SLC47A1: variants seen among roughly 807,000 people sequenced by gnomAD.
SLC47A1 encodes the protein multidrug and toxin extrusion protein 1.
A neutral mutation model predicts 65.8 loss-of-function variants in SLC47A1; 58 were observed. The observed-to-expected ratio is 0.88, with a 90% CI of 0.71 to 1.10. SLC47A1 has a LOEUF of 1.10. Ranked by LOEUF, SLC47A1 falls within the 50% of genes least tolerant of loss-of-function variation. The probability of loss-of-function intolerance (pLI) is 0.00; values close to 1 mark genes in which losing one functional copy is unlikely to be tolerated. For synonymous variants in SLC47A1, 285 were observed against 295.0 expected, an observed-to-expected ratio of 0.97 and a Z score of 0.35; for missense variants, 706 against 719.2, an observed-to-expected ratio of 0.98 and a Z score of 0.21.
chr17:19,533,994 G>T lies in SLC47A1; in HGVS notation c.55G>T (p.Glu19Ter). 1 of 1,544,648 alleles carries T rather than the reference G, an allele frequency of 6.5e-7. No homozygotes were observed. Reference protein sequence around the residue: ...PVRGGPEATLEVRGSRCLRLS... With the variant: ...PVRGGPEATL ...GCGCGGAGGCCCGGAGGCCACCCTT[G>T]AGGTCCGTGGGTCGCGCTGCTTGCG... The change falls in exon 1 of 17, where the codon GAG becomes TAG. Residue 19 changes from glutamate to a stop codon, truncating the protein, a stop_gained. Coordinates refer to ENST00000270570, the MANE Select transcript of SLC47A1 (RefSeq NM_018242.3). LOFTEE classifies it high-confidence loss of function.
intron 1 of SLC47A1, among the ~76,000 whole-genome samples, chr17:19,540,459 C>A (rs921039142): frequency 6.6e-6 from 1 of 152,110 alleles, no homozygotes; most frequent in South Asian, 2.1e-4. Context: ...ATAAAAGGGA[C>A]CCTGTGGCCT....
In SLC47A1 at chr17:19,578,784, C is replaced by T. The variant is rs2084459294; in HGVS notation, c.*1231C>T. On this transcript the variant is annotated 3_prime_UTR_variant, in exon 17 of 17. Transcript: ENST00000270570. Reference sequence around the variant, plus strand: ...GCTGTAAGCTGGGACCAGCTTTGTCCATAACTGCTGAGAGAACTTGCTGAA... The same window carrying T: ...GCTGTAAGCTGGGACCAGCTTTGTCTATAACTGCTGAGAGAACTTGCTGAA... 6.6e-6 allele frequency: 1 copy of T among 152,236 alleles called. No individual in the cohort carries two copies. The highest frequency in any genetic ancestry group is 1.5e-5 in the Non-Finnish European group (1 of 68,062). 9.4% of individuals were successfully genotyped at this position (152,236 alleles called of 1,614,324 possible). A position where few individuals can be genotyped will look rare whatever the true frequency, so the allele number is the denominator to read the frequency against.
chr17:19,573,181 G>A (rs2084413837), intron 16 of SLC47A1, among the ~76,000 whole-genome samples: 1 of 152,126 alleles, frequency 6.6e-6, no homozygotes, highest in African/African-American at 2.4e-5. Context: ...TGTTTTAATG[G>A]GGTCCCTGCT....
rs115101879 is a variant in SLC47A1, at chr17:19,540,006, G to A, written c.136-2387G>A. On this transcript the variant is annotated intron_variant, in intron 1 of 16. Transcript: ENST00000270570. ...ACTCAGGCAGTCGGAGTACAGGGTT[G>A]TTGCCGTAACCCTGGCAGAGCTGCG... Among the ~76,000 whole-genome samples the A allele has an allele frequency of 7.8e-3, 1,195 of 152,292 alleles. 23 individuals carry two copies. The highest frequency in any genetic ancestry group is 0.027 in the African/African-American group (1,139 of 41,554).
In SLC47A1 at chr17:19,577,934, C is replaced by A; in HGVS notation, c.*381C>A. 1 of 1,266,894 alleles carries A rather than the reference C, an allele frequency of 7.9e-7. No homozygotes were observed. The highest frequency in any genetic ancestry group is 3.4e-4 in the Middle Eastern group (1 of 2,958). The allele number at this position is 1,266,894 out of a possible 1,614,324, so 78.5% of individuals were successfully genotyped here. On this transcript the variant is annotated 3_prime_UTR_variant, in exon 17 of 17. Coordinates refer to ENST00000270570, the MANE Select transcript of SLC47A1 (RefSeq NM_018242.3). ...AAAATATATTTTACAGTATATCTTT[C>A]CTTGGGCCTTAGATTACTATTCACT...
intron 14 of SLC47A1, among the ~76,000 whole-genome samples, chr17:19,568,856 A>G (rs147262500): frequency 6.6e-6 from 1 of 151,986 alleles, no homozygotes; most frequent in East Asian, 2.0e-4. Context: ...TACTTCTATG[A>G]GTTCAACTTT....
intron 12 of SLC47A1, 36 bp from the exon 13 acceptor site, chr17:19,566,754 G>C (rs773421775): frequency 1.2e-6 from 2 of 1,602,732 alleles, no homozygotes; most frequent in Non-Finnish European, 1.7e-6. Context: ...TCTCCACTTT[G>C]TCTCCTAATC....
intron 5 of SLC47A1, among the ~76,000 whole-genome samples, chr17:19,550,417 G>C (rs1916413791): frequency 6.6e-6 from 1 of 152,164 alleles, no homozygotes; most frequent in Non-Finnish European, 1.5e-5. Context: ...CCTGGCTCAA[G>C]TGATCCTCCC....
chr17:19,538,174 G>C (rs1375799368), intron 1 of SLC47A1, among the ~76,000 whole-genome samples: 2 of 152,236 alleles, frequency 1.3e-5, no homozygotes, highest in African/African-American at 4.8e-5. Flanking sequence ...TGCTATCCCC[G>C]TGCTGGCCAA....
intron 14 of SLC47A1, among the ~76,000 whole-genome samples, chr17:19,568,816 C>T (rs2084378604): frequency 6.6e-6 from 1 of 152,038 alleles, no homozygotes; most frequent in South Asian, 2.1e-4. Context: ...CTCCTTGCCA[C>T]CAGTCCCTGC....
chr17:19,533,960 C>T lies in SLC47A1; in HGVS notation c.21C>T (p.Pro7=), dbSNP rs1915916661. ...GTCACATGGAAGCTCCTGAGGAGCC[C>T]GCGCCAGTGCGCGGAGGCCCGGAGG... MEAPEE[P]APVRGGPEAT... is the part of the protein sequence containing the mutation. Residue 7 remains proline, a synonymous_variant, in exon 1 of 17, where the codon CCC becomes CCT. Coordinates refer to ENST00000270570, the MANE Select transcript of SLC47A1 (RefSeq NM_018242.3). 1.3e-6 allele frequency: 2 copies of T among 1,533,194 alleles called. No homozygotes were observed. Among genetic ancestry groups the T allele is most frequent in the Non-Finnish European group, 1.7e-6 (2 of 1,143,538 alleles). 95.0% of individuals were successfully genotyped at this position (1,533,194 alleles called of 1,614,324 possible). A position where few individuals can be genotyped will look rare whatever the true frequency, so the allele number is the denominator to read the frequency against.
intron 2 of SLC47A1, among the ~76,000 whole-genome samples, chr17:19,543,943 G>A (rs746798050): frequency 1.3e-5 from 2 of 152,058 alleles, no homozygotes; most frequent in Admixed American, 6.6e-5. Context: ...AGTATATATG[G>A]CTTATTTTAT....
At chr17:19,542,098 C>G (rs950287543) in intron 1 of SLC47A1, among the ~76,000 whole-genome samples, 1 of 152,044 alleles carries the variant, frequency 6.6e-6, no homozygotes, top group African/African-American at 2.4e-5. Context: ...GCACTCCAGC[C>G]CAGGTGACAG....
intron 14 of SLC47A1, among the ~76,000 whole-genome samples, chr17:19,570,587 T>C (rs2084392009): frequency 6.6e-6 from 1 of 152,230 alleles, no homozygotes; most frequent in East Asian, 1.9e-4. Context: ...CCTGGCCATC[T>C]GGGGCCAATC....
chr17:19,577,934 C>T lies in SLC47A1; in HGVS notation c.*381C>T, dbSNP rs911287722. 3.9e-6 allele frequency: 5 copies of T among 1,266,776 alleles called. No individual in the cohort carries two copies. The South Asian group carries it at 4.0e-5, about 10-fold the overall frequency. 78.5% of individuals were successfully genotyped at this position (1,266,776 alleles called of 1,614,324 possible). A position where few individuals can be genotyped will look rare whatever the true frequency, so the allele number is the denominator to read the frequency against. The stretch of plus-strand genomic sequence containing the variant: ...AAAATATATTTTACAGTATATCTTT[C>T]CTTGGGCCTTAGATTACTATTCACT... On this transcript the variant is annotated 3_prime_UTR_variant, in exon 17 of 17. Transcript: ENST00000270570.
Position 19,560,738 on chromosome 17 carries a change from G to A in SLC47A1, c.1106+245G>A, listed in dbSNP as rs181194258. Among the ~76,000 whole-genome samples, 537 of 151,784 alleles carry A rather than the reference G, an allele frequency of 3.5e-3. 3 individuals are homozygous for A. Among genetic ancestry groups the A allele is most frequent in the African/African-American group, 0.012 (512 of 41,352 alleles). On this transcript the variant is annotated intron_variant, in intron 12 of 16. Coordinates refer to ENST00000270570, the MANE Select transcript of SLC47A1 (RefSeq NM_018242.3). ...TACTAAAAATACAAAAATTAGCTGGGTGTGGTGGCAGACACCTGTAATCCC... is the reference window on the plus strand; with the variant it reads ...TACTAAAAATACAAAAATTAGCTGGATGTGGTGGCAGACACCTGTAATCCC...
At chr17:19,534,250 C>G in intron 1 of SLC47A1, 176 bp downstream of exon 1, 1 of 778,794 alleles carries the variant, frequency 1.3e-6, no homozygotes, top group South Asian at 2.7e-5. Flanking sequence ...GCCTGCGTCC[C>G]GGCCGCTTTC....
intron 10 of SLC47A1, among the ~76,000 whole-genome samples, chr17:19,558,106 T>A (rs1344590889): frequency 1.3e-5 from 2 of 152,222 alleles, no homozygotes; most frequent in African/African-American, 4.8e-5. Flanking sequence ...GTTCAAATAC[T>A]ATATCAATAC....
At chr17:19,573,426 C>T (rs1312614138) in intron 16 of SLC47A1, among the ~76,000 whole-genome samples, 1 of 152,110 alleles carries the variant, frequency 6.6e-6, no homozygotes, top group African/African-American at 2.4e-5. Context: ...TGTGTTGTTT[C>T]TGCCAATTTT....
Sources: allele counts gnomAD v4.1 joint callset (sites outside exome capture counted in the v4.1 genomes callset), GRCh38; gene constraint gnomAD v4.1.1; transcripts MANE v1.5; gene names NCBI Gene and HGNC (gene_info 2026-07-23, HGNC 2026-07-21).